Variants in PRRC2B observed in about 807,000 individuals in gnomAD.
PRRC2B encodes protein PRRC2B.
A neutral mutation model predicts 242.3 loss-of-function variants in PRRC2B; 68 were observed. The observed-to-expected ratio is 0.28, with a 90% CI of 0.23 to 0.34. PRRC2B has a LOEUF of 0.34. PRRC2B is among the 10% of genes least tolerant of loss of function. The pLI, the probability that PRRC2B is intolerant of heterozygous loss-of-function variation, is 1.00. For missense variants in PRRC2B, 2,835 were observed against 2,954.8 expected (o/e 0.96, Z 0.94); for synonymous variants, 1,228 against 1,173.6 (o/e 1.05, Z -0.95).
At chr9:131,465,388 C>T (rs1252337255) in intron 12 of PRRC2B, among the ~76,000 whole-genome samples, 1 of 152,134 alleles carries the variant, frequency 6.6e-6, no homozygotes, top group East Asian at 1.9e-4. Flanking sequence ...AGTTTTTCAG[C>T]CCTTTTTCCT....
At chr9:131,464,635 C>A in intron 11 of PRRC2B, 128 bp from the exon 12 acceptor site, 1 of 826,238 alleles carries the variant, frequency 1.2e-6, no homozygotes, top group Non-Finnish European at 1.9e-6. Context: ...CTCTGTCTGC[C>A]ACACGCCTGT....
At chr9:131,463,938 A>C (rs896516227) in intron 11 of PRRC2B, among the ~76,000 whole-genome samples, 1 of 142,694 alleles carries the variant, frequency 7.0e-6, no homozygotes, top group South Asian at 2.2e-4. Context: ...TTTGCTAGAC[A>C]TGCTTTTTTT....
upstream of PRRC2B, among the ~76,000 whole-genome samples, chr9:131,391,604 TC>T (rs1249963057): frequency 3.3e-5 from 5 of 152,154 alleles, no homozygotes; most frequent in Non-Finnish European, 7.3e-5. Flanking sequence ...ACTTTTCTTC[TC>T]TGTTGGATGG....
At chr9:131,447,634 A>T in intron 8 of PRRC2B, 28 bp from the exon 9 acceptor site, 1 of 1,564,086 alleles carries the variant, frequency 6.4e-7, no homozygotes, top group Non-Finnish European at 8.7e-7. Context: ...TATACTGGAC[A>T]TGATTCCATC....
intron 5 of PRRC2B, among the ~76,000 whole-genome samples, chr9:131,442,271 T>C (rs1319700043): frequency 6.6e-6 from 1 of 152,152 alleles, no homozygotes; most frequent in East Asian, 1.9e-4. Flanking sequence ...TAGATGGGAC[T>C]ACAGGCATGC....
rs889374363 is a variant in PRRC2B at position 131,476,344 on chromosome 9, G to T, written c.4215G>T (p.Leu1405=). Residue 1405 remains leucine (L), a synonymous_variant, in exon 16 of 32, where the codon CTG becomes CTT. Coordinates refer to ENST00000683519, the MANE Select transcript of PRRC2B (RefSeq NM_013318.4). ...SEPDSQVDGG[L]SGASLGEKKE... ...CCGACTCCCAGGTGGATGGTGGCCTGTCGGGGGCTAGTTTGGGTGAGAAGA... is the reference window on the plus strand; with the variant it reads ...CCGACTCCCAGGTGGATGGTGGCCTTTCGGGGGCTAGTTTGGGTGAGAAGA... The T allele has an allele frequency of 1.3e-6, 2 of 1,588,026 alleles. No individual in the cohort carries two copies. Among genetic ancestry groups the T allele is most frequent in the African/African-American group, 2.7e-5 (2 of 74,440 alleles).
intron 9 of PRRC2B, among the ~76,000 whole-genome samples, chr9:131,452,995 G>A (rs550953520): frequency 6.6e-6 from 1 of 152,266 alleles, no homozygotes; most frequent in African/African-American, 2.4e-5. Context: ...TGATGTTTTT[G>A]TCTGCTTCTA....
chr9:131,441,588 G>A (rs1439903872), intron 5 of PRRC2B, among the ~76,000 whole-genome samples: 2 of 152,114 alleles, frequency 1.3e-5, no homozygotes, highest in Non-Finnish European at 2.9e-5. Context: ...CCACAGAATC[G>A]ACACACTGGG....
chr9:131,462,132 A>G (rs1943258967), intron 11 of PRRC2B, among the ~76,000 whole-genome samples: 1 of 152,194 alleles, frequency 6.6e-6, no homozygotes, highest in African/African-American at 2.4e-5. Flanking sequence ...TCATAACAGC[A>G]CTGTAAATTA....
At chr9:131,488,243 C>T (rs1564302201) in intron 28 of PRRC2B, 147 bp downstream of exon 28, 2 of 1,117,668 alleles carry the variant, frequency 1.8e-6, no homozygotes, top group South Asian at 3.3e-5. Flanking sequence ...TGCAGGAAAT[C>T]AGCCTCTTCT....
chr9:131,376,241 C>G (rs982889516), intron 1 of PRRC2B, among the ~76,000 whole-genome samples: 1 of 151,336 alleles, frequency 6.6e-6, no homozygotes, highest in Non-Finnish European at 1.5e-5. Context: ...GTAATCCCAG[C>G]TAATCGGGAG....
In PRRC2B at chr9:131,383,601, T is replaced by TC. The variant is rs35196409; in HGVS notation, c.-56+9870_-56+9871insC. ...TTGTTTGTTTTGGTTTTGGTTTCTCTTTTTTTTTTTTTTTTTTTGAGACAG... is the reference window on the plus strand; with the variant it reads ...TTGTTTGTTTTGGTTTTGGTTTCTCTCTTTTTTTTTTTTTTTTTTGAGACAG... On this transcript the variant is annotated intron_variant, in intron 1 of 1. Coordinates refer to the PRRC2B transcript ENST00000682525. Among the ~76,000 whole-genome samples the TC allele has an allele frequency of 4.4e-3, 47 of 10,786 alleles. 1 individual carries two copies. In the East Asian group the frequency reaches 0.22, roughly 50 times the overall value. The allele number at this position is 10,786 out of a possible 152,430, so 7.1% of individuals were successfully genotyped here.
At chr9:131,467,535 G>T (rs756148311) in intron 12 of PRRC2B, 28 bp from the exon 13 acceptor site, 6 of 1,545,308 alleles carry the variant, frequency 3.9e-6, no homozygotes, top group Non-Finnish European at 5.3e-6. Context: ...AGCTCACTGT[G>T]TCATTTCTCT....
upstream of PRRC2B, among the ~76,000 whole-genome samples, chr9:131,391,310 G>T: frequency 6.6e-6 from 1 of 151,970 alleles, no homozygotes; most frequent in Non-Finnish European, 1.5e-5. Context: ...CTGCATTTCT[G>T]GGCGTGAGGT....
chr9:131,404,660 A>T (rs556489479), intron 1 of PRRC2B, among the ~76,000 whole-genome samples: 2 of 152,102 alleles, frequency 1.3e-5, no homozygotes, highest in South Asian at 4.2e-4. Context: ...ATCCACATGC[A>T]CGTTTGTATT....
chr9:131,466,892 C>T (rs1262973976), intron 12 of PRRC2B, among the ~76,000 whole-genome samples: 2 of 152,012 alleles, frequency 1.3e-5, no homozygotes, highest in East Asian at 3.8e-4. Flanking sequence ...AGCTCCACCT[C>T]CTGGGTTCAT....
chr9:131,474,824 A>G lies in PRRC2B; in HGVS notation c.2695A>G (p.Ile899Val), dbSNP rs539841538. Residue 899 changes from isoleucine to valine, a missense_variant, in exon 16 of 32, where the codon ATC becomes GTC. Ile to Val is a conservative substitution (Grantham distance 29). Around this residue, in one of 7 missense-constraint regions of PRRC2B, gnomAD observed 1,536 missense variants for 1,483.1 expected, o/e 1.04. Coordinates refer to ENST00000683519, the MANE Select transcript of PRRC2B (RefSeq NM_013318.4). ...ETPREGTAFN[I>V]SSWDKNGSPN... is the part of the protein sequence containing the mutation. ...ACCCCGGGAGGGGACGGCCTTTAAC[A>G]TCTCCTCCTGGGACAAGAACGGGAG... The G allele has an allele frequency of 1.9e-6, 3 of 1,611,974 alleles. No individual in the cohort carries two copies. Among genetic ancestry groups the G allele is most frequent in the African/African-American group, 2.7e-5 (2 of 74,976 alleles).
intron 1 of PRRC2B, among the ~76,000 whole-genome samples, chr9:131,380,348 C>T (rs1168038010): frequency 2.6e-5 from 4 of 151,910 alleles, no homozygotes; most frequent in Non-Finnish European, 5.9e-5. Context: ...GAGGCCGAGG[C>T]GAGCAGGTCA....
chr9:131,388,485 G>A (rs1836855131), intron 1 of PRRC2B, among the ~76,000 whole-genome samples: 1 of 148,964 alleles, frequency 6.7e-6, no homozygotes, highest in Non-Finnish European at 1.5e-5. Context: ...GGTGATCCGC[G>A]CACCTCGGAC....
Sources: allele counts gnomAD v4.1 joint callset (sites outside exome capture counted in the v4.1 genomes callset), GRCh38; gene constraint gnomAD v4.1.1; regional missense constraint gnomAD v4.1.1; transcripts MANE v1.5; gene names NCBI Gene and HGNC (gene_info 2026-07-23, HGNC 2026-07-21).